Variants in KLF8 observed in about 807,000 individuals in gnomAD.
The protein encoded by KLF8 is KLF transcription factor 8, also known as Krueppel-like factor 8.
Under a neutral mutation model 18.2 loss-of-function variants are expected in KLF8, and 10 were observed. The observed-to-expected ratio is 0.55, with a 90% CI of 0.34 to 0.93. The LOEUF (loss-of-function observed/expected upper bound fraction) is 0.93, where lower values mean the gene tolerates loss of function less well. KLF8 is among the 40% of genes least tolerant of loss of function. The pLI, the probability that KLF8 is intolerant of heterozygous loss-of-function variation, is 0.02. For synonymous variants in KLF8, 109 were observed against 97.3 expected (o/e 1.12, Z -0.71); for missense variants, 264 against 277.9 (o/e 0.95, Z 0.36).
At chrX:56,162,821 T>C in the KLF8 span, among the ~76,000 whole-genome samples, 5 of 111,189 alleles carry the variant, frequency 4.5e-5, no homozygotes, top group Non-Finnish European at 9.4e-5. Context: ...ACCCAGTACA[T>C]CAGTTGGAAA....
chrX:56,239,005 T>C (rs1305131031), intron 1 of KLF8, among the ~76,000 whole-genome samples: 2 of 111,462 alleles, frequency 1.8e-5, no homozygotes, highest in Non-Finnish European at 3.8e-5. Context: ...TTCCTTTCTG[T>C]TTCTTCTTGA....
rs1011030133 is a variant in KLF8, at chrX:56,286,550, A to G, written c.*2056A>G. Reference sequence around the variant, plus strand: ...TTCAGGAAAACTTTAGAACTCAAAAATCATTTACAGCTGATTAAATAGCAA... The same window carrying G: ...TTCAGGAAAACTTTAGAACTCAAAAGTCATTTACAGCTGATTAAATAGCAA... On this transcript the variant is annotated 3_prime_UTR_variant, in exon 6 of 6. Coordinates refer to ENST00000468660, the MANE Select transcript of KLF8 (RefSeq NM_007250.5). The G allele has an allele frequency of 8.9e-6, 1 of 112,712 alleles. No homozygotes were observed. The highest frequency in any genetic ancestry group is 2.8e-4 in the East Asian group (1 of 3,587). The allele number at this position is 112,712 out of a possible 1,213,427, so 9.3% of individuals were successfully genotyped here. A position where few individuals can be genotyped will look rare whatever the true frequency, so the allele number is the denominator to read the frequency against.
chrX:55,962,158 G>A, the KLF8 span: 2 of 150,166 alleles, frequency 1.3e-5, no homozygotes, highest in Non-Finnish European at 2.6e-5. Context: ...CCCCTCAATG[G>A]AGCCCAGATT....
chrX:56,216,118 A>G, the KLF8 span, among the ~76,000 whole-genome samples: 12 of 107,039 alleles, frequency 1.1e-4, no homozygotes, highest in African/African-American at 3.8e-4. Flanking sequence ...TGTGGATTGG[A>G]CCTCCTATAC....
At chrX:55,938,789 T>A in the KLF8 span, among the ~76,000 whole-genome samples, 2 of 111,393 alleles carry the variant, frequency 1.8e-5, no homozygotes, top group Non-Finnish European at 3.8e-5. Context: ...GACCATTACA[T>A]AATGGTAAAG....
chrX:56,061,098 A>G, the KLF8 span, among the ~76,000 whole-genome samples: 1 of 111,506 alleles, frequency 9.0e-6, no homozygotes, highest in African/African-American at 3.3e-5. Context: ...TATTTTGATG[A>G]TCTTTTCAAA....
chrX:56,187,534 T>G, the KLF8 span, among the ~76,000 whole-genome samples: 9 of 111,660 alleles, frequency 8.1e-5, no homozygotes, highest in Non-Finnish European at 1.5e-4. Flanking sequence ...GAGGCCAGCA[T>G]CATCCTGATA....
chrX:56,134,937 G>A, the KLF8 span, among the ~76,000 whole-genome samples: 1 of 111,597 alleles, frequency 9.0e-6, no homozygotes, highest in Non-Finnish European at 1.9e-5. Context: ...AATGATCAGG[G>A]AAGTGCAAAT....
the KLF8 span, among the ~76,000 whole-genome samples, chrX:56,025,257 G>T: frequency 8.9e-6 from 1 of 112,450 alleles, no homozygotes; most frequent in South Asian, 3.7e-4. Flanking sequence ...GCTCTAGAGA[G>T]CGTTTTCGAA....
At chrX:56,148,255 A>C in the KLF8 span, among the ~76,000 whole-genome samples, 1 of 111,391 alleles carries the variant, frequency 9.0e-6, no homozygotes, top group Admixed American at 9.6e-5. Flanking sequence ...GCAAAATATG[A>C]ATAACTTAAA....
the KLF8 span, among the ~76,000 whole-genome samples, chrX:56,084,088 A>G: frequency 8.9e-6 from 1 of 112,016 alleles, no homozygotes; most frequent in Non-Finnish European, 1.9e-5. Flanking sequence ...TAAAAAGCCA[A>G]TTATAACTAT....
the KLF8 span, among the ~76,000 whole-genome samples, chrX:55,925,769 T>C: frequency 9.0e-6 from 1 of 111,674 alleles, no homozygotes; most frequent in Non-Finnish European, 1.9e-5. Flanking sequence ...AAAGGAGAGA[T>C]TGGCAATTTT....
the KLF8 span, among the ~76,000 whole-genome samples, chrX:55,965,586 A>C: frequency 8.9e-6 from 1 of 112,227 alleles, no homozygotes; most frequent in African/African-American, 3.2e-5. Flanking sequence ...GAAGAGAGGA[A>C]GTCAAACTAT....
At chrX:56,126,752 C>CTT in the KLF8 span, among the ~76,000 whole-genome samples, 621 of 72,525 alleles carry the variant, frequency 8.6e-3, 7 homozygotes, top group African/African-American at 0.011. Flanking sequence ...TTCTTTCTTT[C>CTT]TTTTTTTTTT....
chrX:56,166,619 G>A, the KLF8 span, among the ~76,000 whole-genome samples: 5 of 112,013 alleles, frequency 4.5e-5, no homozygotes, highest in African/African-American at 1.6e-4. Flanking sequence ...AGATGGAGTA[G>A]CATATAGTGT....
At chrX:55,963,497 T>C in the KLF8 span, among the ~76,000 whole-genome samples, 3 of 111,612 alleles carry the variant, frequency 2.7e-5, no homozygotes, top group Non-Finnish European at 5.6e-5. Context: ...TCTAATCATG[T>C]AGACTTATTG....
the KLF8 span, among the ~76,000 whole-genome samples, chrX:55,988,461 C>T: frequency 8.9e-6 from 1 of 112,079 alleles, no homozygotes; most frequent in African/African-American, 3.2e-5. Context: ...AATAAGGAAT[C>T]CTTTCCCCAT....
the KLF8 span, among the ~76,000 whole-genome samples, chrX:56,078,079 A>G: frequency 8.9e-6 from 1 of 111,920 alleles, no homozygotes; most frequent in Non-Finnish European, 1.9e-5. Context: ...AAATCATGTC[A>G]TCTGCAAACA....
the KLF8 span, among the ~76,000 whole-genome samples, chrX:56,093,719 A>G: frequency 9.0e-6 from 1 of 111,092 alleles, no homozygotes; most frequent in African/African-American, 3.3e-5. Context: ...GCTCAAAATA[A>G]CAGCAACAAA....
Sources: gnomAD v4.1 joint callset for allele counts (sites outside exome capture counted in the v4.1 genomes callset) on GRCh38, gnomAD v4.1.1 for gene constraint, MANE v1.5 for transcripts, NCBI Gene and HGNC (gene_info 2026-07-23, HGNC 2026-07-21) for gene names.